The following STARD9 variants were observed in gnomAD, a reference collection of about 807,000 sequenced individuals.
STARD9 encodes the protein StAR related lipid transfer domain containing 9.
In STARD9, 346 loss-of-function variants were observed where a neutral mutation model predicts 399.8. The ratio of observed to expected loss-of-function variants is 0.87; its 90% confidence interval spans 0.79 to 0.95. STARD9 has a LOEUF of 0.95. Among genes scored for constraint, STARD9 ranks in the 40% least tolerant of loss-of-function variants. The pLI, the probability that STARD9 is intolerant of heterozygous loss-of-function variation, is 0.00. For missense variants in STARD9, 5,832 were observed against 5,667.5 expected, an observed-to-expected ratio of 1.03 and a Z score of -0.93; for synonymous variants, 2,203 against 2,143.5, an observed-to-expected ratio of 1.03 and a Z score of -0.77.
chr15:42,689,198 G>C lies in STARD9; in HGVS notation c.7620G>C (p.Glu2540Asp), dbSNP rs890849693. 3.3e-6 allele frequency: 5 copies of C among 1,537,274 alleles called. No homozygotes were observed. The highest frequency in any genetic ancestry group is 4.4e-6 in the Non-Finnish European group (5 of 1,146,930). The part of the protein sequence containing the change: ...RVPSPEPRLL[E>D]PSDHASMCLA... ...CCAGTCCAGAGCCTAGGCTGTTGGA[G>C]CCCTCTGACCATGCATCCATGTGCC... The change falls in exon 23 of 33, where the codon GAG (glutamate) becomes GAC (aspartate). Residue 2540 changes from glutamate to aspartate, a missense_variant. By Grantham distance (45) the Glu-to-Asp change is conservative. Around this residue, in one of 2 missense-constraint regions of STARD9, gnomAD observed 5,828 missense variants for 5,651.1 expected, o/e 1.03. Transcript: ENST00000290607.
intron 3 of STARD9, among the ~76,000 whole-genome samples, chr15:42,610,570 C>T (rs2058827971): frequency 6.6e-6 from 1 of 152,048 alleles, no homozygotes; most frequent in Admixed American, 6.6e-5. Flanking sequence ...TTTTTTAAGA[C>T]AGAGTCTCAC....
At chr15:42,600,135 A>C (rs1160462252) in intron 3 of STARD9, among the ~76,000 whole-genome samples, 5 of 152,164 alleles carry the variant, frequency 3.3e-5, no homozygotes, top group Admixed American at 6.5e-5. Context: ...AGACTCCTAT[A>C]TTTCACCTCT....
intron 1 of STARD9, chr15:42,581,588 C>T (rs1210597915): frequency 1.1e-5 from 9 of 798,064 alleles, no homozygotes; most frequent in Non-Finnish European, 1.9e-5. Flanking sequence ...GAGCTCTGCG[C>T]ACTCCTCGCT....
At chr15:42,656,327 TAAAAAAAAAAA>T (rs869264641) in intron 9 of STARD9, among the ~76,000 whole-genome samples, 16 of 35,334 alleles carry the variant, frequency 4.5e-4, no homozygotes, top group African/African-American at 1.1e-3. Context: ...AGCCATCTCC[TAAAAAAAAAAA>T]AAAAAAAAAA....
Position 42,690,394 on chromosome 15 carries a change from C to T in STARD9, c.8816C>T (p.Thr2939Ile). ...TCAAGGAACCCTGAAGGCAGCAGGA[C>T]TCTCAGCCCGTCTAGAGGGAAAGAG... is the stretch of plus-strand genomic sequence containing the variant. Reference protein sequence around the residue: ...VFSRNPEGSRTLSPSRGKESR... With the variant: ...VFSRNPEGSRILSPSRGKESR... The change falls in exon 23 of 33, where the codon ACT becomes ATT. Residue 2939 changes from threonine (T) to isoleucine (I), a missense_variant. Thr to Ile is a moderately conservative substitution (Grantham distance 89). Transcript: ENST00000290607. 3 of 1,537,248 alleles carry T rather than the reference C, an allele frequency of 2.0e-6. No homozygotes were observed. Among genetic ancestry groups the T allele is most frequent in the Non-Finnish European group, 1.7e-6 (2 of 1,146,902 alleles).
intron 3 of STARD9, among the ~76,000 whole-genome samples, chr15:42,589,619 T>C (rs554337611): frequency 2.0e-4 from 30 of 152,218 alleles, no homozygotes; most frequent in Middle Eastern, 3.4e-3. Context: ...TTTTTTTTTT[T>C]TTTTTAAATG....
intron 3 of STARD9, among the ~76,000 whole-genome samples, chr15:42,600,291 G>A (rs893580501): frequency 6.6e-6 from 1 of 152,184 alleles, no homozygotes; most frequent in African/African-American, 2.4e-5. Flanking sequence ...AGCAAGAAAG[G>A]GAGGATGGGT....
intron 26 of STARD9, among the ~76,000 whole-genome samples, chr15:42,699,628 C>T (rs935947515): frequency 5.9e-5 from 9 of 151,914 alleles, no homozygotes; most frequent in East Asian, 1.9e-4. Context: ...TTCCTGACCT[C>T]GTGATCTGCC....
At chr15:42,704,396 T>A (rs2061030853) in intron 26 of STARD9, among the ~76,000 whole-genome samples, 1 of 152,214 alleles carries the variant, frequency 6.6e-6, no homozygotes, top group Non-Finnish European at 1.5e-5. Flanking sequence ...GAGGTCATAG[T>A]TCCCTTAATG....
At chr15:42,695,110 A>G (rs1457181733) in intron 24 of STARD9, 30 bp from the exon 25 acceptor site, 1 of 1,499,842 alleles carries the variant, frequency 6.7e-7, no homozygotes, top group African/African-American at 1.4e-5. Context: ...CCCACCCACC[A>G]TGTTCTTTCC....
chr15:42,636,364 C>A (rs2059417804), intron 4 of STARD9, among the ~76,000 whole-genome samples: 1 of 152,078 alleles, frequency 6.6e-6, no homozygotes, highest in South Asian at 2.1e-4. Flanking sequence ...GGGCAGATCA[C>A]AAGGTCAGGA....
intron 10 of STARD9, among the ~76,000 whole-genome samples, chr15:42,662,311 G>C (rs2060007740): frequency 6.6e-6 from 1 of 152,108 alleles, no homozygotes; most frequent in Admixed American, 6.5e-5. Context: ...ACATAATATG[G>C]TACAGTATTC....
At chr15:42,592,251 A>G (rs1232206427) in intron 3 of STARD9, among the ~76,000 whole-genome samples, 1 of 152,128 alleles carries the variant, frequency 6.6e-6, no homozygotes, top group Non-Finnish European at 1.5e-5. Context: ...TCTGACTGCA[A>G]AGTTCATATT....
chr15:42,718,251 A>C (rs1331584097), intron 30 of STARD9, 72 bp downstream of exon 30: 21 of 1,430,272 alleles, frequency 1.5e-5, no homozygotes, highest in Non-Finnish European at 1.7e-5. Context: ...GCTGGGGGAT[A>C]GAGGTGGAGG....
chr15:42,653,754 C>T (rs561760499), intron 9 of STARD9, among the ~76,000 whole-genome samples: 1 of 152,180 alleles, frequency 6.6e-6, no homozygotes, highest in South Asian at 2.1e-4. Flanking sequence ...TAGAAAGTAT[C>T]TTAAATCTAT....
intron 7 of STARD9, among the ~76,000 whole-genome samples, chr15:42,640,049 G>A (rs1425069949): frequency 1.3e-5 from 2 of 152,078 alleles, no homozygotes; most frequent in Admixed American, 1.3e-4. Context: ...AGTCTCCCAG[G>A]TAGCTAGGGC....
At position 42,712,128 on chromosome 15, in the gene STARD9, T is replaced by A. The variant is rs111733074; in HGVS notation, c.13285-4549T>A. ...TAATATATAATATATAATATATATA[T>A]AAATGTGCCTTTGCCCATTTATATG... On this transcript the variant is annotated intron_variant, in intron 26 of 32. Coordinates refer to ENST00000290607, the MANE Select transcript of STARD9 (RefSeq NM_020759.3). 2.9e-3 allele frequency among the ~76,000 whole-genome samples: 36 copies of A among 12,298 alleles called. 10 individuals are homozygous for A. Among genetic ancestry groups the A allele is most frequent in the African/African-American group, 8.4e-3 (25 of 2,992 alleles). 8.1% of individuals were successfully genotyped at this position (12,298 alleles called of 152,430 possible).
In STARD9 at chr15:42,688,412, G is replaced by A. The variant is rs1194785278; in HGVS notation, c.6834G>A (p.Met2278Ile). ...EPKAQGKVEE[M>I]PMQRGGSLQE... The stretch of plus-strand genomic sequence containing the variant: ...AAGCTCAAGGTAAAGTTGAAGAAAT[G>A]CCTATGCAAAGGGGAGGCAGCCTTC... The change falls in exon 23 of 33, where the codon ATG becomes ATA. Residue 2278 changes from methionine to isoleucine, a missense_variant. By Grantham distance (10) the Met-to-Ile change is conservative. Transcript: ENST00000290607. 1 of 1,537,524 alleles carries A rather than the reference G, an allele frequency of 6.5e-7. No homozygotes were observed. Among genetic ancestry groups the A allele is most frequent in the Non-Finnish European group, 8.7e-7 (1 of 1,147,024 alleles).
chr15:42,606,300 C>T (rs13379865), intron 3 of STARD9, among the ~76,000 whole-genome samples: 5,649 of 152,238 alleles, frequency 0.037, 371 homozygotes, highest in African/African-American at 0.13. Flanking sequence ...ACCTCTAATA[C>T]TTGGAGTATG....
Sources: gnomAD v4.1 joint callset for allele counts (sites outside exome capture counted in the v4.1 genomes callset) on GRCh38, gnomAD v4.1.1 for gene constraint, gnomAD v4.1.1 regional missense constraint, MANE v1.5 for transcripts, NCBI Gene and HGNC (gene_info 2026-07-23, HGNC 2026-07-21) for gene names.